The following WWOX variants were observed in gnomAD, a reference collection of about 807,000 sequenced individuals.
WWOX encodes WW domain containing oxidoreductase.
Under a neutral mutation model 46.2 loss-of-function variants are expected in WWOX, and 69 were observed. The observed-to-expected ratio is 1.49, with a 90% CI of 1.23 to 1.82. The LOEUF (loss-of-function observed/expected upper bound fraction) is 1.82. Among genes scored for constraint, WWOX ranks in the 40% most tolerant of loss-of-function variants. The pLI is 0.00. For synonymous variants in WWOX, 359 were observed against 202.6 expected (o/e 1.77, Z -6.56); for missense variants, 919 against 542.6 (o/e 1.69, Z -6.89).
rs184508302 is a variant in WWOX, at chr16:78,652,350, A to C, written c.1056+219598A>C. Among the ~76,000 whole-genome samples the C allele has an allele frequency of 5.0e-3, 736 of 148,628 alleles. 5 individuals carry two copies. Among genetic ancestry groups the C allele is most frequent in the African/African-American group, 0.018 (710 of 40,072 alleles). ...CTTGAACCCGGGAGGTGGAGGTTGC[A>C]GCGAGTCAAGGTCACGCCAGTGTAC... On this transcript the variant is annotated intron_variant, in intron 8 of 8. Coordinates refer to ENST00000566780, the MANE Select transcript of WWOX (RefSeq NM_016373.4).
chr16:78,328,462 T>A (rs2080680859), intron 5 of WWOX, among the ~76,000 whole-genome samples: 1 of 152,216 alleles, frequency 6.6e-6, no homozygotes, highest in Admixed American at 6.5e-5. Context: ...GATGAGCTGT[T>A]TAATTTTCAT....
chr16:78,608,266 G>C (rs984264515), intron 8 of WWOX, among the ~76,000 whole-genome samples: 1 of 152,194 alleles, frequency 6.6e-6, no homozygotes, highest in African/African-American at 2.4e-5. Context: ...TGCTGATACA[G>C]TCATGAGGTT....
At chr16:79,123,986 C>G (rs1345199516) in intron 8 of WWOX, among the ~76,000 whole-genome samples, 13 of 152,162 alleles carry the variant, frequency 8.5e-5, no homozygotes, top group Admixed American at 7.8e-4. Flanking sequence ...AGAGGCACTG[C>G]AAAGCCAAGC....
Position 78,788,462 on chromosome 16 carries a change from C to T in WWOX, c.1056+355710C>T, listed in dbSNP as rs183729863. Among the ~76,000 whole-genome samples the T allele has an allele frequency of 7.9e-5, 12 of 152,280 alleles. No individual in the cohort carries two copies. The East Asian group carries it at 2.1e-3, about 27-fold the overall frequency. On this transcript the variant is annotated intron_variant, in intron 8 of 8. Transcript: ENST00000566780. ...CCCAGAGAGTCAGTCCTGCCTTATGCCCTGGGGAAAGGAATGCTGACCTCA... is the reference window on the plus strand; with the variant it reads ...CCCAGAGAGTCAGTCCTGCCTTATGTCCTGGGGAAAGGAATGCTGACCTCA...
At chr16:78,502,245 T>C (rs1015645974) in intron 8 of WWOX, among the ~76,000 whole-genome samples, 3 of 152,158 alleles carry the variant, frequency 2.0e-5, no homozygotes, top group African/African-American at 7.2e-5. Context: ...ATTCAATGGC[T>C]TTTAGTGTAT....
chr16:78,903,793 A>T (rs73581221), intron 8 of WWOX, among the ~76,000 whole-genome samples: 1 of 152,202 alleles, frequency 6.6e-6, no homozygotes, highest in Non-Finnish European at 1.5e-5. Flanking sequence ...TTCTAGCTCA[A>T]TCATGCTGAG....
At chr16:78,809,645 G>T (rs1006231023) in intron 8 of WWOX, among the ~76,000 whole-genome samples, 2 of 152,028 alleles carry the variant, frequency 1.3e-5, no homozygotes, top group African/African-American at 4.8e-5. Context: ...GTACACAGGG[G>T]CCCCCCACCC....
intron 5 of WWOX, chr16:78,167,552 A>G (rs1398254937): frequency 6.6e-6 from 1 of 152,232 alleles, no homozygotes; most frequent in East Asian, 1.9e-4. Context: ...GTGGCTCCAG[A>G]TGTTTAAAAT....
intron 8 of WWOX, among the ~76,000 whole-genome samples, chr16:78,900,145 A>T (rs1476344248): frequency 6.9e-6 from 1 of 145,326 alleles, no homozygotes; most frequent in Non-Finnish European, 1.5e-5. Context: ...TAAATGAAGG[A>T]GTCAGTAACA....
intron 8 of WWOX, among the ~76,000 whole-genome samples, chr16:78,531,395 C>G (rs902302058): frequency 2.0e-5 from 3 of 152,262 alleles, no homozygotes; most frequent in African/African-American, 7.2e-5. Context: ...GAATTGTGCA[C>G]CCTGTTTGGT....
At chr16:78,825,861 G>C in intron 8 of WWOX, 1 of 650,700 alleles carries the variant, frequency 1.5e-6, no homozygotes, top group Admixed American at 2.2e-5. Flanking sequence ...GACCCCGCTG[G>C]TAAGACTGGC....
intron 8 of WWOX, among the ~76,000 whole-genome samples, chr16:78,549,133 A>G (rs1051047816): frequency 2.6e-5 from 4 of 152,194 alleles, no homozygotes; most frequent in African/African-American, 9.6e-5. Context: ...AGATTTGTGG[A>G]GGTGTACTAC....
At chr16:78,442,894 G>A (rs575055496) in intron 8 of WWOX, among the ~76,000 whole-genome samples, 3 of 152,004 alleles carry the variant, frequency 2.0e-5, no homozygotes, top group Admixed American at 6.6e-5. Context: ...AGGCCGAGCC[G>A]GGCGAATCAC....
intron 8 of WWOX, among the ~76,000 whole-genome samples, chr16:79,085,843 C>G (rs755141165): frequency 2.6e-5 from 4 of 152,036 alleles, no homozygotes; most frequent in African/African-American, 4.8e-5. Context: ...GCCAGGAGTT[C>G]AAGTCCAGCC....
chr16:78,871,744 C>T (rs2044133126), intron 8 of WWOX, among the ~76,000 whole-genome samples: 1 of 152,182 alleles, frequency 6.6e-6, no homozygotes, highest in African/African-American at 2.4e-5. Flanking sequence ...GGACTACAGG[C>T]AGGCACCACC....
chr16:78,540,440 C>G (rs375075511), intron 8 of WWOX, among the ~76,000 whole-genome samples: 1 of 152,142 alleles, frequency 6.6e-6, no homozygotes, highest in Admixed American at 6.5e-5. Context: ...ATATACTTGT[C>G]TCTTCTCATG....
In WWOX at chr16:78,100,308, A is replaced by G. The variant is rs59872377; in HGVS notation, c.107+423A>G. 1.3e-3 allele frequency: 1,260 copies of G among 998,734 alleles called. 16 individuals carry two copies. The African/African-American group carries it at 0.021, about 17-fold the overall frequency. The allele number at this position is 998,734 out of a possible 1,614,324, so 61.9% of individuals were successfully genotyped here. ...TGCTCAGTCATCCAGGCTGGAGTGC[A>G]GGGGTGCCATCATAGCCCACTGTAG... On this transcript the variant is annotated intron_variant, in intron 1 of 8. Transcript: ENST00000566780.
chr16:78,624,887 A>G (rs1567445163), intron 8 of WWOX, among the ~76,000 whole-genome samples: 1 of 152,212 alleles, frequency 6.6e-6, no homozygotes, highest in African/African-American at 2.4e-5. Context: ...ATGGTGATGA[A>G]AGGTGATGTT....
At chr16:78,584,073 T>C (rs2045132193) in intron 8 of WWOX, among the ~76,000 whole-genome samples, 3 of 152,346 alleles carry the variant, frequency 2.0e-5, no homozygotes, top group South Asian at 2.1e-4. Flanking sequence ...TGTGTAATTA[T>C]AAAGTTATTT....
Sources: allele counts gnomAD v4.1 joint callset (sites outside exome capture counted in the v4.1 genomes callset), GRCh38; gene constraint gnomAD v4.1.1; transcripts MANE v1.5; gene names NCBI Gene and HGNC (gene_info 2026-07-23, HGNC 2026-07-21).